KCNIP4: variants seen among roughly 807,000 people sequenced by gnomAD.
KCNIP4 encodes potassium voltage-gated channel interacting protein 4, also known as Kv channel-interacting protein 4.
KCNIP4 carries 12 observed loss-of-function variants against 34.0 expected under a neutral mutation model. The ratio of observed to expected loss-of-function variants is 0.35; its 90% confidence interval spans 0.23 to 0.57. KCNIP4 has a LOEUF of 0.57. KCNIP4 is among the 20% of genes least tolerant of loss of function. KCNIP4 has a pLI of 0.83. For missense variants in KCNIP4, 238 were observed against 311.7 expected (o/e 0.76, Z 1.78); for synonymous variants, 124 against 102.2 (o/e 1.21, Z -1.29).
intron 1 of KCNIP4, among the ~76,000 whole-genome samples, chr4:21,356,852 T>G (rs1331958527): frequency 6.6e-6 from 1 of 152,024 alleles, no homozygotes; most frequent in Non-Finnish European, 1.5e-5. Flanking sequence ...AGAGCCCGCA[T>G]AGCCAAGATA....
chr4:20,876,859 A>T (rs1437152343), intron 2 of KCNIP4, among the ~76,000 whole-genome samples: 1 of 152,170 alleles, frequency 6.6e-6, no homozygotes, highest in Non-Finnish European at 1.5e-5. Flanking sequence ...GGCGTGAGCC[A>T]CCGCGCCTGG....
intron 1 of KCNIP4, among the ~76,000 whole-genome samples, chr4:21,800,611 G>A (rs1226239787): frequency 6.6e-6 from 1 of 152,054 alleles, no homozygotes; most frequent in Non-Finnish European, 1.5e-5. Flanking sequence ...CCCCAATCAT[G>A]TACATTTTCT....
At chr4:21,876,094 C>A (rs1726093338) in intron 1 of KCNIP4, among the ~76,000 whole-genome samples, 1 of 151,790 alleles carries the variant, frequency 6.6e-6, no homozygotes, top group Non-Finnish European at 1.5e-5. Flanking sequence ...ATACACAGGT[C>A]CATAAAGAAA....
intron 1 of KCNIP4, among the ~76,000 whole-genome samples, chr4:20,914,264 T>C (rs995923955): frequency 5.9e-5 from 9 of 152,174 alleles, no homozygotes; most frequent in African/African-American, 9.6e-5. Flanking sequence ...ATGATCGCTA[T>C]AAACATTCCC....
chr4:21,778,383 C>T (rs576957536), intron 1 of KCNIP4, among the ~76,000 whole-genome samples: 11 of 150,548 alleles, frequency 7.3e-5, no homozygotes, highest in Admixed American at 2.6e-4. Context: ...CACAGGTGCA[C>T]GCCACCACAC....
chr4:21,813,473 C>T, intron 1 of KCNIP4, among the ~76,000 whole-genome samples: 1 of 152,040 alleles, frequency 6.6e-6, no homozygotes, highest in South Asian at 2.1e-4. Flanking sequence ...GAAGTTGTTA[C>T]CATCCCAGAG....
At chr4:21,317,868 T>G (rs1713951054) in intron 1 of KCNIP4, among the ~76,000 whole-genome samples, 1 of 152,326 alleles carries the variant, frequency 6.6e-6, no homozygotes, top group Non-Finnish European at 1.5e-5. Flanking sequence ...CTAACTCTTG[T>G]CTGCTGCCAT....
intron 2 of KCNIP4, among the ~76,000 whole-genome samples, chr4:20,869,330 C>T (rs1328674138): frequency 6.6e-6 from 1 of 151,978 alleles, no homozygotes; most frequent in Non-Finnish European, 1.5e-5. Context: ...TTAATTCCCC[C>T]ACATGTTCAA....
chr4:21,343,032 A>C (rs938345174), intron 1 of KCNIP4, among the ~76,000 whole-genome samples: 2 of 152,090 alleles, frequency 1.3e-5, no homozygotes, highest in Non-Finnish European at 2.9e-5. Context: ...CCACTTCCAT[A>C]AGAAAATGCT....
At chr4:20,951,871 T>C (rs1194609999) in intron 1 of KCNIP4, among the ~76,000 whole-genome samples, 1 of 152,208 alleles carries the variant, frequency 6.6e-6, no homozygotes, top group Non-Finnish European at 1.5e-5. Context: ...CCAGGATGGC[T>C]GGCTTCCTTT....
At chr4:21,869,394 C>T (rs531236642) in intron 1 of KCNIP4, among the ~76,000 whole-genome samples, 5 of 152,154 alleles carry the variant, frequency 3.3e-5, no homozygotes, top group South Asian at 2.1e-4. Context: ...AAAACAAAAC[C>T]GAATCTAAAT....
intron 2 of KCNIP4, among the ~76,000 whole-genome samples, chr4:20,868,371 G>A (rs1426582374): frequency 6.6e-6 from 1 of 152,000 alleles, no homozygotes; most frequent in African/African-American, 2.4e-5. Flanking sequence ...CAGAGTAAAG[G>A]GAATTCTTAC....
intron 1 of KCNIP4, among the ~76,000 whole-genome samples, chr4:21,931,042 C>T (rs1454027947): frequency 1.3e-5 from 2 of 152,046 alleles, no homozygotes; most frequent in Non-Finnish European, 2.9e-5. Context: ...GATTAGTAAA[C>T]CTCAGTCATG....
chr4:20,812,815 T>C (rs996874935), intron 3 of KCNIP4, among the ~76,000 whole-genome samples: 2 of 151,994 alleles, frequency 1.3e-5, no homozygotes, highest in African/African-American at 4.8e-5. Flanking sequence ...AGGTGCAAAC[T>C]TAAGGACCTA....
At chr4:21,576,390 C>T (rs1179434309) in intron 1 of KCNIP4, among the ~76,000 whole-genome samples, 1 of 152,108 alleles carries the variant, frequency 6.6e-6, no homozygotes, top group African/African-American at 2.4e-5. Flanking sequence ...AGCCAGAGCA[C>T]AGTATTTTGC....
intron 1 of KCNIP4, among the ~76,000 whole-genome samples, chr4:21,782,370 C>T (rs919316638): frequency 1.3e-5 from 2 of 152,114 alleles, no homozygotes; most frequent in Non-Finnish European, 2.9e-5. Context: ...GGCACTTATG[C>T]CAAATAAATG....
At chr4:21,340,408 T>C (rs1271362962) in intron 1 of KCNIP4, among the ~76,000 whole-genome samples, 2 of 152,178 alleles carry the variant, frequency 1.3e-5, no homozygotes, top group Admixed American at 6.5e-5. Flanking sequence ...TTTGAAGCCA[T>C]CTGTTATTTA....
At chr4:21,472,226 C>T (rs920420581) in intron 1 of KCNIP4, among the ~76,000 whole-genome samples, 11 of 152,066 alleles carry the variant, frequency 7.2e-5, no homozygotes, top group African/African-American at 2.7e-4. Context: ...ATGTGTGTCA[C>T]ATTTAGGGTG....
At chr4:20,952,424 A>T (rs1732876724) in intron 1 of KCNIP4, among the ~76,000 whole-genome samples, 1 of 152,208 alleles carries the variant, frequency 6.6e-6, no homozygotes, top group African/African-American at 2.4e-5. Context: ...CAATGTATGT[A>T]CTAAAGTTAT....
Sources: gnomAD v4.1 joint callset for allele counts (sites outside exome capture counted in the v4.1 genomes callset) on GRCh38, gnomAD v4.1.1 for gene constraint, MANE v1.5 for transcripts, NCBI Gene and HGNC (gene_info 2026-07-23, HGNC 2026-07-21) for gene names.